ZNF761: variants seen among roughly 807,000 people sequenced by gnomAD.
ZNF761 encodes the protein zinc finger protein 761.
A neutral mutation model predicts 59.9 loss-of-function variants in ZNF761; 43 were observed. The ratio of observed to expected loss-of-function variants is 0.72; its 90% CI spans 0.56 to 0.92. ZNF761 has a LOEUF of 0.92. Among genes scored for constraint, ZNF761 ranks in the 40% least tolerant of loss-of-function variants. The pLI is 0.00. For missense variants in ZNF761, 850 were observed against 906.1 expected (o/e 0.94, Z 0.79); for synonymous variants, 294 against 304.8 (o/e 0.96, Z 0.37).
Position 53,455,818 on chromosome 19 carries a change from T to G in ZNF761, c.1311T>G (p.Ala437=). The part of the protein sequence containing the change: ...IHRKIHTEDN[A]YKCNECGKTF... ...GGAAAATTCATACTGAAGACAATGC[T>G]TACAAGTGTAATGAGTGTGGAAAGA... Residue 437 remains alanine (A), a synonymous_variant, in exon 5 of 5, where the codon GCT becomes GCG. Transcript: ENST00000684525. 1.2e-6 allele frequency: 2 copies of G among 1,611,948 alleles called. No individual in the cohort carries two copies. The highest frequency in any genetic ancestry group is 2.7e-5 in the African/African-American group (2 of 74,324).
In ZNF761 at chr19:53,447,214, C is replaced by T. The variant is rs1034062776; in HGVS notation, c.-55C>T. On this transcript the variant is annotated 5_prime_UTR_variant, in exon 3 of 5. Transcript: ENST00000684525. ...CATTCAGGATTGACTTCTAAAGACT[C>T]TTGGTACGTGAGGAAGAAACCCGGA... is the stretch of plus-strand genomic sequence containing the variant. 21 of 1,604,008 alleles carry T rather than the reference C, an allele frequency of 1.3e-5. No individual in the cohort carries two copies. Among genetic ancestry groups the T allele is most frequent in the Non-Finnish European group, 1.7e-5 (20 of 1,174,648 alleles).
chr19:53,445,701 T>A (rs112562812), intron 1 of ZNF761, among the ~76,000 whole-genome samples: 2,065 of 152,136 alleles, frequency 0.014, 53 homozygotes, highest in African/African-American at 0.047. Flanking sequence ...AAAAAATTTT[T>A]TAAAAAAACG....
At chr19:53,444,376 C>G (rs1469127119) in intron 1 of ZNF761, 1 of 152,164 alleles carries the variant, frequency 6.6e-6, no homozygotes, top group South Asian at 2.1e-4. Context: ...GACATGCTGG[C>G]GGCAATACTG....
At chr19:53,446,636 G>T (rs1403243711) in intron 2 of ZNF761, among the ~76,000 whole-genome samples, 1 of 152,008 alleles carries the variant, frequency 6.6e-6, no homozygotes, top group Non-Finnish European at 1.5e-5. Flanking sequence ...GCCTTCCAGA[G>T]TGCTGGTATT....
Position 53,457,030 on chromosome 19 carries a change from A to G in ZNF761, c.*282A>G. ...GACAAGGCTTTTGGGCATGATTCGCACCTGGCACAACATGCTAGAATTCAC... is the reference window on the plus strand; with the variant it reads ...GACAAGGCTTTTGGGCATGATTCGCGCCTGGCACAACATGCTAGAATTCAC... On this transcript the variant is annotated 3_prime_UTR_variant, in exon 5 of 5. Transcript: ENST00000684525. The G allele has an allele frequency of 1.6e-6, 1 of 628,490 alleles. No homozygotes were observed. Among genetic ancestry groups the G allele is most frequent in the Non-Finnish European group, 2.8e-6 (1 of 351,942 alleles). 38.9% of individuals were successfully genotyped at this position (628,490 alleles called of 1,614,324 possible). A position where few individuals can be genotyped will look rare whatever the true frequency, so the allele number is the denominator to read the frequency against.
intron 3 of ZNF761, 33 bp downstream of exon 3, chr19:53,447,316 T>G (rs754172575): frequency 6.2e-7 from 1 of 1,611,134 alleles, no homozygotes; most frequent in Non-Finnish European, 8.5e-7. Context: ...TTGTTCTGTC[T>G]CCTTCCTTTC....
At chr19:53,451,238 T>C (rs1055587360) in intron 4 of ZNF761, among the ~76,000 whole-genome samples, 4 of 152,222 alleles carry the variant, frequency 2.6e-5, no homozygotes, top group East Asian at 1.9e-4. Context: ...GAGATGAAGT[T>C]TTGTTCTTGT....
chr19:53,440,718 G>C (rs551197939), intron 1 of ZNF761, among the ~76,000 whole-genome samples: 3 of 151,866 alleles, frequency 2.0e-5, no homozygotes, highest in Non-Finnish European at 4.4e-5. Flanking sequence ...TGGCTCTATC[G>C]CCCAGGATGG....
intron 1 of ZNF761, chr19:53,442,179 C>T: frequency 8.9e-7 from 1 of 1,121,392 alleles, no homozygotes; most frequent in Non-Finnish European, 1.3e-6. Flanking sequence ...GAAGATGGAA[C>T]TCCAGGAAAT....
rs2086266769 is a variant in ZNF761, at chr19:53,456,042, A to G, written c.1535A>G (p.His512Arg). Reference sequence around the variant, plus strand: ...AGTCGGAAGTCATACCTCACATGCCATCATAGACTTCATACTGGAGAGAAA... The same window carrying G: ...AGTCGGAAGTCATACCTCACATGCCGTCATAGACTTCATACTGGAGAGAAA... ...TFSRKSYLTCHHRLHTGEKAY... is the reference protein window; with the variant it reads ...TFSRKSYLTCRHRLHTGEKAY... The change falls in exon 5 of 5, where the codon CAT becomes CGT. Residue 512 changes from histidine to arginine, a missense_variant. His to Arg is a conservative substitution (Grantham distance 29). Transcript: ENST00000684525. 6.2e-7 allele frequency: 1 copy of G among 1,613,600 alleles called. No homozygotes were observed. Among genetic ancestry groups the G allele is most frequent in the South Asian group, 1.1e-5 (1 of 91,044 alleles).
intron 1 of ZNF761, among the ~76,000 whole-genome samples, chr19:53,441,325 A>G (rs764888356): frequency 2.0e-5 from 3 of 152,160 alleles, no homozygotes; most frequent in Non-Finnish European, 2.9e-5. Context: ...AGGGACATCA[A>G]AAGTGCTTTT....
In ZNF761 at chr19:53,454,822, A is replaced by C; in HGVS notation, c.315A>C (p.Glu105Asp). The C allele has an allele frequency of 6.2e-7, 1 of 1,614,190 alleles. No homozygotes were observed. Reference sequence around the variant, plus strand: ...ATGAATTTCAATGGCAAGAAGATGAAAGAAATGGCCATGAAGCACCCATGA... The same window carrying C: ...ATGAATTTCAATGGCAAGAAGATGACAGAAATGGCCATGAAGCACCCATGA... ...HDYEFQWQED[E>D]RNGHEAPMTK... The change falls in exon 5 of 5, where the codon GAA becomes GAC. Residue 105 changes from glutamate to aspartate, a missense_variant. Coordinates refer to ENST00000684525, the MANE Select transcript of ZNF761 (RefSeq NM_001289951.2).
At chr19:53,433,242 C>T (rs555357613) in intron 1 of ZNF761, among the ~76,000 whole-genome samples, 4 of 152,010 alleles carry the variant, frequency 2.6e-5, no homozygotes, top group Admixed American at 1.3e-4. Flanking sequence ...TTTTTGCTTT[C>T]AGAAGCAGAA....
rs770504606 is a variant in ZNF761, at chr19:53,447,238, G to C, written c.-31G>C. ...TCTTGGTACGTGAGGAAGAAACCCGGAAGAGGAAGAGGAGAGCAAAGGAGT... is the reference window on the plus strand; with the variant it reads ...TCTTGGTACGTGAGGAAGAAACCCGCAAGAGGAAGAGGAGAGCAAAGGAGT... On this transcript the variant is annotated 5_prime_UTR_variant, in exon 3 of 5. Transcript: ENST00000684525. The C allele has an allele frequency of 7.1e-5, 115 of 1,611,154 alleles. No homozygotes were observed. Among genetic ancestry groups the C allele is most frequent in the Non-Finnish European group, 9.2e-5 (109 of 1,178,898 alleles).
rs530503536 is a variant in ZNF761, at chr19:53,456,088, C to T, written c.1581C>T (p.Cys527=). ...TGEKAYKCNE[C]GKTFSWKSSL... ...AGAAAGCTTACAAGTGTAATGAGTG[C>T]GGCAAGACCTTTAGTTGGAAGTCAT... Residue 527 remains cysteine, a synonymous_variant, in exon 5 of 5, where the codon TGC becomes TGT. Coordinates refer to ENST00000684525, the MANE Select transcript of ZNF761 (RefSeq NM_001289951.2). 2.7e-4 allele frequency: 432 copies of T among 1,589,528 alleles called. 2 individuals carry two copies. The South Asian group carries it at 3.3e-3, about 12-fold the overall frequency.
At chr19:53,435,131 G>A (rs1475712879) in intron 1 of ZNF761, among the ~76,000 whole-genome samples, 2 of 151,760 alleles carry the variant, frequency 1.3e-5, no homozygotes, top group Admixed American at 1.3e-4. Context: ...TAAAAGGGGG[G>A]GACCTTGGTT....
chr19:53,441,577 T>C (rs895564158), intron 1 of ZNF761, among the ~76,000 whole-genome samples: 2 of 151,850 alleles, frequency 1.3e-5, no homozygotes, highest in African/African-American at 4.8e-5. Flanking sequence ...CTCCTGAGTA[T>C]GTGGGACTAC....
intron 1 of ZNF761, among the ~76,000 whole-genome samples, chr19:53,432,733 A>G (rs1412037067): frequency 1.3e-5 from 2 of 152,248 alleles, no homozygotes; most frequent in Non-Finnish European, 2.9e-5. Flanking sequence ...AGAAAGACCT[A>G]TAACAGATGG....
intron 1 of ZNF761, chr19:53,443,801 CTG>C (rs1568805548): frequency 6.6e-6 from 1 of 152,252 alleles, no homozygotes; most frequent in Admixed American, 6.6e-5. Flanking sequence ...AGAGATCAGA[CTG>C]TTACTGTGCC....
Sources: allele counts gnomAD v4.1 joint callset (sites outside exome capture counted in the v4.1 genomes callset), GRCh38; gene constraint gnomAD v4.1.1; transcripts MANE v1.5; gene names NCBI Gene and HGNC (gene_info 2026-07-23, HGNC 2026-07-21).